Variants in ZNF831 observed in about 807,000 individuals in gnomAD.
The protein encoded by ZNF831 is chromosome 20 open reading frame 174.
A neutral mutation model predicts 95.8 loss-of-function variants in ZNF831; 59 were observed. The ratio of observed to expected loss-of-function variants is 0.62; its 90% CI spans 0.50 to 0.77. ZNF831 has a LOEUF of 0.77. Among genes scored for constraint, ZNF831 ranks in the 30% least tolerant of loss-of-function variants. ZNF831 has a pLI of 0.00. For missense variants in ZNF831, 2,205 were observed against 2,164.0 expected (o/e 1.02, Z -0.38); for synonymous variants, 961 against 925.5 (o/e 1.04, Z -0.70).
Position 59,211,065 on chromosome 20 carries a change from A to AAAAAAAAAAAAC in ZNF831, c.4027+4009_4027+4010insAAAAAAAAAAAC, listed in dbSNP as rs753979009. On this transcript the variant is annotated intron_variant, in intron 4 of 5. Transcript: ENST00000371030. ...AAAAAAAAAGAAAAAAAAAAAAAAA[A>AAAAAAAAAAAAC]CAAATCCAAGGAGAAAAAAAAATTC... Among the ~76,000 whole-genome samples, 415 of 77,452 alleles carry AAAAAAAAAAAAC rather than the reference A, an allele frequency of 5.4e-3. 47 individuals carry two copies. Among genetic ancestry groups the AAAAAAAAAAAAC allele is most frequent in the African/African-American group, 0.03 (368 of 12,456 alleles). The allele number at this position is 77,452 out of a possible 152,430, so 50.8% of individuals were successfully genotyped here. A position where few individuals can be genotyped will look rare whatever the true frequency, so the allele number is the denominator to read the frequency against.
intron 1 of ZNF831, among the ~76,000 whole-genome samples, chr20:59,184,508 C>T (rs1982856934): frequency 6.6e-6 from 1 of 151,984 alleles, no homozygotes; most frequent in African/African-American, 2.4e-5. Context: ...AGTGCATTCA[C>T]ATTGCATGCA....
At chr20:59,249,634 G>A (rs1174859058) in intron 4 of ZNF831, among the ~76,000 whole-genome samples, 2 of 152,162 alleles carry the variant, frequency 1.3e-5, no homozygotes, top group African/African-American at 4.8e-5. Context: ...GAGTACACGG[G>A]AGGGTCAAGA....
At chr20:59,225,616 CA>C (rs1488908986) in intron 4 of ZNF831, among the ~76,000 whole-genome samples, 6 of 152,132 alleles carry the variant, frequency 3.9e-5, no homozygotes, top group Admixed American at 2.6e-4. Flanking sequence ...GATGGTTTTC[CA>C]GGGGACAGGA....
chr20:59,147,390 G>T (rs1260983813), intron 2 of ZNF831, among the ~76,000 whole-genome samples: 1 of 152,218 alleles, frequency 6.6e-6, no homozygotes, highest in African/African-American at 2.4e-5. Flanking sequence ...TTTGGGGTCT[G>T]GTCTCTGACA....
At chr20:59,244,792 T>C (rs1398719202) in intron 4 of ZNF831, among the ~76,000 whole-genome samples, 8 of 152,222 alleles carry the variant, frequency 5.3e-5, no homozygotes. Context: ...GGCCGATACG[T>C]ATATAGATTG....
intron 1 of ZNF831, among the ~76,000 whole-genome samples, chr20:59,135,251 C>T (rs529073633): frequency 2.3e-4 from 35 of 152,290 alleles, no homozygotes; most frequent in African/African-American, 7.9e-4. Context: ...AATAGCATGT[C>T]TCAGCTGGTT....
At chr20:59,167,066 C>T (rs904622882) in intron 1 of ZNF831, among the ~76,000 whole-genome samples, 3 of 152,216 alleles carry the variant, frequency 2.0e-5, no homozygotes, top group Non-Finnish European at 4.4e-5. Context: ...GCAACGTGGG[C>T]AGTGTTTCCA....
intron 2 of ZNF831, among the ~76,000 whole-genome samples, chr20:59,155,591 G>T (rs1331511391): frequency 6.6e-6 from 1 of 152,160 alleles, no homozygotes; most frequent in African/African-American, 2.4e-5. Context: ...TGATTGCCTT[G>T]GAAGTCCAGG....
chr20:59,238,674 C>A (rs1484209241), intron 4 of ZNF831, among the ~76,000 whole-genome samples: 1 of 152,110 alleles, frequency 6.6e-6, no homozygotes, highest in Non-Finnish European at 1.5e-5. Context: ...AAAGCTGCAC[C>A]CTTCTGGCTT....
At chr20:59,170,905 G>A (rs1981678242) in intron 1 of ZNF831, among the ~76,000 whole-genome samples, 1 of 152,236 alleles carries the variant, frequency 6.6e-6, no homozygotes, top group Admixed American at 6.5e-5. Context: ...GAGGTGGCAG[G>A]CAATCTACAA....
At chr20:59,126,072 A>G (rs1159378542) in intron 1 of ZNF831, among the ~76,000 whole-genome samples, 1 of 152,232 alleles carries the variant, frequency 6.6e-6, no homozygotes, top group African/African-American at 2.4e-5. Context: ...CGGCTGGCAG[A>G]ACACACTTGG....
intron 4 of ZNF831, among the ~76,000 whole-genome samples, chr20:59,216,083 GTTT>G (rs1393515854): frequency 1.1e-4 from 16 of 152,308 alleles, no homozygotes; most frequent in African/African-American, 3.1e-4. Flanking sequence ...GTGCAATTCA[GTTT>G]TATTTAACTT....
intron 4 of ZNF831, among the ~76,000 whole-genome samples, chr20:59,230,390 T>G (rs1196645698): frequency 6.6e-6 from 1 of 152,110 alleles, no homozygotes; most frequent in Non-Finnish European, 1.5e-5. Flanking sequence ...GAGGATCGCT[T>G]GAACCCAGGA....
chr20:59,224,587 G>A (rs1291997848), intron 4 of ZNF831, among the ~76,000 whole-genome samples: 1 of 152,162 alleles, frequency 6.6e-6, no homozygotes, highest in African/African-American at 2.4e-5. Flanking sequence ...CTGTTTGCTG[G>A]GCAACTGCTA....
chr20:59,182,893 C>T (rs1424340930), intron 1 of ZNF831, among the ~76,000 whole-genome samples: 2 of 152,224 alleles, frequency 1.3e-5, no homozygotes, highest in Non-Finnish European at 2.9e-5. Flanking sequence ...GCTATTCTCA[C>T]CCTCAGAGAC....
intron 4 of ZNF831, among the ~76,000 whole-genome samples, chr20:59,209,519 G>A (rs1985142750): frequency 6.6e-6 from 1 of 152,218 alleles, no homozygotes; most frequent in South Asian, 2.1e-4. Context: ...TTCAGATAGA[G>A]TGTAGGTGGG....
At chr20:59,152,698 G>A (rs1980315451) in intron 2 of ZNF831, among the ~76,000 whole-genome samples, 1 of 152,144 alleles carries the variant, frequency 6.6e-6, no homozygotes, top group East Asian at 1.9e-4. Flanking sequence ...TGAAGCTTGA[G>A]TAGGAGGCAG....
At chr20:59,195,697 G>A (rs778519245) in intron 2 of ZNF831, 172 bp from the exon 3 acceptor site, 5 of 892,988 alleles carry the variant, frequency 5.6e-6, no homozygotes, top group Non-Finnish European at 6.7e-6. Flanking sequence ...GTCCAGGAAC[G>A]CTCTGCCGTT....
chr20:59,186,123 C>T (rs558523994), intron 1 of ZNF831, among the ~76,000 whole-genome samples: 3 of 152,210 alleles, frequency 2.0e-5, no homozygotes, highest in Admixed American at 6.5e-5. Context: ...TACATGATCT[C>T]CTGGTGTCCC....
Sources: allele counts gnomAD v4.1 joint callset (sites outside exome capture counted in the v4.1 genomes callset), GRCh38; gene constraint gnomAD v4.1.1; transcripts MANE v1.5; gene names NCBI Gene and HGNC (gene_info 2026-07-23, HGNC 2026-07-21).